ADAMTSL1: variants seen among roughly 807,000 people sequenced by gnomAD.
The protein encoded by ADAMTSL1 is ADAMTS like 1.
ADAMTSL1 carries 126 observed loss-of-function variants against 201.8 expected under a neutral mutation model. That is an observed-to-expected ratio of 0.62 (90% CI 0.54 to 0.72). ADAMTSL1 has a LOEUF of 0.72. ADAMTSL1 is among the 30% of genes least tolerant of loss of function. The pLI, the probability that ADAMTSL1 is intolerant of heterozygous loss-of-function variation, is 0.00. For synonymous variants in ADAMTSL1, 1,121 were observed against 903.4 expected (o/e 1.24, Z -4.32); for missense variants, 2,679 against 2,277.8 (o/e 1.18, Z -3.59).
intron 23 of ADAMTSL1, among the ~76,000 whole-genome samples, chr9:18,832,805 G>A (rs1335854502): frequency 6.6e-6 from 1 of 152,206 alleles, no homozygotes; most frequent in Non-Finnish European, 1.5e-5. Flanking sequence ...GCCAGCCACT[G>A]TATGTTTCCT....
At chr9:18,749,319 G>T (rs1175800616) in intron 15 of ADAMTSL1, among the ~76,000 whole-genome samples, 1 of 152,156 alleles carries the variant, frequency 6.6e-6, no homozygotes, top group African/African-American at 2.4e-5. Context: ...ATTTCCAAAG[G>T]GGGAAGTATT....
chr9:18,810,597 C>A (rs1823438296), intron 20 of ADAMTSL1, among the ~76,000 whole-genome samples: 1 of 152,114 alleles, frequency 6.6e-6, no homozygotes, highest in Non-Finnish European at 1.5e-5. Context: ...AAATTAAATC[C>A]ACTTAACTTA....
chr9:18,386,542 G>T (rs1055998633), intron 2 of ADAMTSL1, among the ~76,000 whole-genome samples: 1 of 151,990 alleles, frequency 6.6e-6, no homozygotes, highest in African/African-American at 2.4e-5. Flanking sequence ...TTAATAAGGG[G>T]GCTCTCTTTT....
At chr9:17,974,477 C>T (rs191651954) in intron 1 of ADAMTSL1, among the ~76,000 whole-genome samples, 4 of 151,938 alleles carry the variant, frequency 2.6e-5, no homozygotes, top group African/African-American at 9.7e-5. Context: ...CTTATTCATC[C>T]TACGTAACTG....
intron 1 of ADAMTSL1, among the ~76,000 whole-genome samples, chr9:18,483,889 AG>A (rs1177823280): frequency 1.3e-5 from 2 of 152,238 alleles, no homozygotes; most frequent in South Asian, 2.1e-4. Context: ...TATAAATATC[AG>A]GGTGACCTGG....
intron 1 of ADAMTSL1, among the ~76,000 whole-genome samples, chr9:17,929,443 G>A (rs1475046820): frequency 1.3e-5 from 2 of 152,014 alleles, no homozygotes; most frequent in South Asian, 2.1e-4. Flanking sequence ...GCATGCTTCC[G>A]AATAAGCTGG....
intron 2 of ADAMTSL1, among the ~76,000 whole-genome samples, chr9:18,200,858 C>G (rs1829414820): frequency 6.6e-6 from 1 of 151,800 alleles, no homozygotes; most frequent in African/African-American, 2.4e-5. Context: ...TAACTAATTA[C>G]AAAGAAAAAG....
intron 1 of ADAMTSL1, among the ~76,000 whole-genome samples, chr9:18,483,522 A>G (rs1369585515): frequency 6.6e-6 from 1 of 152,178 alleles, no homozygotes. Flanking sequence ...CTGCAAAACA[A>G]TCTTGAGTTA....
rs111642954 is a variant in ADAMTSL1, at chr9:18,856,846, T to G, written c.4249+26869T>G. On this transcript the variant is annotated intron_variant, in intron 23 of 28. Transcript: ENST00000380548. ...TACAGACTTTGAGTTGTCTGTGGTA[T>G]TTAATGGATAGACAAGACACTTATT... 9.8e-3 allele frequency among the ~76,000 whole-genome samples: 1,487 copies of G among 152,282 alleles called. 28 individuals carry two copies. The highest frequency in any genetic ancestry group is 0.033 in the African/African-American group (1,373 of 41,550).
At position 18,314,745 on chromosome 9, in the gene ADAMTSL1, A is replaced by C. The variant is rs1369924911; in HGVS notation, c.207+150764A>C. 7.0e-5 allele frequency among the ~76,000 whole-genome samples: 9 copies of C among 129,190 alleles called. No homozygotes were observed. In the Admixed American group the frequency reaches 7.8e-4, roughly 11 times the overall value. 84.8% of individuals were successfully genotyped at this position (129,190 alleles called of 152,430 possible). A position where few individuals can be genotyped will look rare whatever the true frequency, so the allele number is the denominator to read the frequency against. On this transcript the variant is annotated intron_variant, in intron 2 of 29. Coordinates refer to the ADAMTSL1 transcript ENST00000680146. ...CAAAGCTTCCACAGCGTGGAAGGGG[A>C]CCCCAGTGGGTTGCCACTGCTGCCT...
At chr9:18,156,985 TATC>T in intron 1 of ADAMTSL1, among the ~76,000 whole-genome samples, 1 of 152,190 alleles carries the variant, frequency 6.6e-6, no homozygotes, top group African/African-American at 2.4e-5. Flanking sequence ...TTGGCTGTTT[TATC>T]ATCTTATATA....
chr9:18,231,246 G>A (rs1830635787), intron 2 of ADAMTSL1, among the ~76,000 whole-genome samples: 1 of 152,116 alleles, frequency 6.6e-6, no homozygotes, highest in African/African-American at 2.4e-5. Flanking sequence ...TGTACTTGCT[G>A]TTTCATTTCT....
intron 2 of ADAMTSL1, among the ~76,000 whole-genome samples, chr9:18,224,555 A>C (rs529294924): frequency 2.9e-4 from 44 of 152,308 alleles, no homozygotes; most frequent in East Asian, 1.9e-4. Flanking sequence ...TGCTTCTCAC[A>C]TACAAAATAC....
At chr9:17,914,001 A>G (rs1825990425) in intron 1 of ADAMTSL1, among the ~76,000 whole-genome samples, 1 of 152,192 alleles carries the variant, frequency 6.6e-6, no homozygotes, top group African/African-American at 2.4e-5. Flanking sequence ...TAGACGAATA[A>G]CAGGCTCTGA....
intron 4 of ADAMTSL1, among the ~76,000 whole-genome samples, chr9:18,611,796 A>G (rs1825392872): frequency 6.6e-6 from 1 of 152,222 alleles, no homozygotes; most frequent in African/African-American, 2.4e-5. Context: ...GCACCTGGCA[A>G]AAGTTTATTC....
At position 18,269,995 on chromosome 9, in the gene ADAMTSL1, C is replaced by T. The variant is rs539019695; in HGVS notation, c.207+106014C>T. ...TGGAAGGTTTATAATCTAATGCCGT[C>T]TCTACAAGACTCCTTCCCATAATAG... On this transcript the variant is annotated intron_variant, in intron 2 of 29. Transcript: ENST00000680146. Among the ~76,000 whole-genome samples the T allele has an allele frequency of 2.0e-3, 300 of 152,076 alleles. 1 individual carries two copies. Among genetic ancestry groups the T allele is most frequent in the Non-Finnish European group, 3.2e-3 (219 of 68,022 alleles).
intron 1 of ADAMTSL1, among the ~76,000 whole-genome samples, chr9:18,163,298 G>A (rs1435511811): frequency 6.6e-6 from 1 of 151,992 alleles, no homozygotes; most frequent in African/African-American, 2.4e-5. Context: ...GATAACCTGT[G>A]TAAAGAACCT....
At chr9:17,930,583 C>G (rs563399516) in intron 1 of ADAMTSL1, among the ~76,000 whole-genome samples, 1 of 152,140 alleles carries the variant, frequency 6.6e-6, no homozygotes, top group Admixed American at 6.5e-5. Context: ...AATATATGTG[C>G]AAGTGTGTGG....
intron 1 of ADAMTSL1, among the ~76,000 whole-genome samples, chr9:18,060,668 A>G (rs1822408085): frequency 6.6e-6 from 1 of 152,164 alleles, no homozygotes; most frequent in Non-Finnish European, 1.5e-5. Context: ...CGATGACCCT[A>G]CTGATTTTAG....
Sources: gnomAD v4.1 joint callset for allele counts (sites outside exome capture counted in the v4.1 genomes callset) on GRCh38, gnomAD v4.1.1 for gene constraint, MANE v1.5 for transcripts, NCBI Gene and HGNC (gene_info 2026-07-23, HGNC 2026-07-21) for gene names.